The following MLLT10 variants were observed in gnomAD, a reference collection of about 807,000 sequenced individuals.
The protein encoded by MLLT10 is protein AF-10.
Under a neutral mutation model 129.1 loss-of-function variants are expected in MLLT10, and 30 were observed. That is an observed-to-expected ratio of 0.23 (90% CI 0.17 to 0.32). The LOEUF is 0.32. MLLT10 is among the 10% of genes least tolerant of loss of function. The pLI, the probability that MLLT10 is intolerant of heterozygous loss-of-function variation, is 1.00. For synonymous variants in MLLT10, 490 were observed against 446.4 expected, an observed-to-expected ratio of 1.10 and a Z score of -1.23; for missense variants, 1,119 against 1,268.3, an observed-to-expected ratio of 0.88 and a Z score of 1.79.
Position 21,673,827 on chromosome 10 carries a change from G to A in MLLT10, c.1529G>A (p.Ser510Asn). 6.2e-7 allele frequency: 1 copy of A among 1,614,156 alleles called. No homozygotes were observed. Among genetic ancestry groups the A allele is most frequent in the South Asian group, 1.1e-5 (1 of 91,080 alleles). The change falls in exon 11 of 23, where the codon AGC becomes AAC. Residue 510 changes from serine (S) to asparagine (N), a missense_variant. Physicochemically the swap from Ser to Asn is conservative, Grantham distance 46. Transcript: ENST00000307729. ...TCATCTGTAGCATCAGCTGCAGGAA[G>A]CATAACAAGCTCTAGTCTGCAGAAA... Reference protein sequence around the residue: ...PTSSVASAAGSITSSSLQKSP... With the variant: ...PTSSVASAAGNITSSSLQKSP...
Position 21,560,326 on chromosome 10 carries a change from A to G in MLLT10, c.240+21414A>G, listed in dbSNP as rs546599695. 5.9e-5 allele frequency among the ~76,000 whole-genome samples: 9 copies of G among 152,270 alleles called. 1 individual carries two copies. The South Asian group carries it at 8.3e-4, about 14-fold the overall frequency. ...TTTGGCCTTTTGAGGAACTGCCAAAATGTTTTTCACAGAGACTTCAGCTTT... is the reference window on the plus strand; with the variant it reads ...TTTGGCCTTTTGAGGAACTGCCAAAGTGTTTTTCACAGAGACTTCAGCTTT... On this transcript the variant is annotated intron_variant, in intron 3 of 22. Transcript: ENST00000307729.
chr10:21,659,603 T>C (rs1307467381), intron 9 of MLLT10, among the ~76,000 whole-genome samples: 1 of 149,348 alleles, frequency 6.7e-6, no homozygotes, highest in Non-Finnish European at 1.5e-5. Flanking sequence ...CTTTGCCTCC[T>C]GGGTTCAAGG....
chr10:21,675,679 A>G (rs1045422308), intron 11 of MLLT10, among the ~76,000 whole-genome samples: 1 of 152,226 alleles, frequency 6.6e-6, no homozygotes, highest in Admixed American at 6.5e-5. Flanking sequence ...CTTCATTTTT[A>G]GCAAGAGGCG....
chr10:21,663,868 G>A (rs1443013805), intron 9 of MLLT10, among the ~76,000 whole-genome samples: 3 of 152,040 alleles, frequency 2.0e-5, no homozygotes, highest in African/African-American at 4.8e-5. Flanking sequence ...TTTTTGTTTA[G>A]CAGTTTGCCC....
chr10:21,627,445 A>G (rs1005097555), intron 8 of MLLT10, among the ~76,000 whole-genome samples: 4 of 152,084 alleles, frequency 2.6e-5, no homozygotes, highest in African/African-American at 7.2e-5. Flanking sequence ...AGGGGGAAAC[A>G]TTTTTCTCTT....
chr10:21,701,980 G>A (rs1474655608), intron 13 of MLLT10, among the ~76,000 whole-genome samples: 2 of 151,706 alleles, frequency 1.3e-5, no homozygotes, highest in Admixed American at 1.3e-4. Flanking sequence ...AGGTTGTAGT[G>A]CAGTGGCTTG....
chr10:21,543,680 T>G (rs918307165), intron 3 of MLLT10, among the ~76,000 whole-genome samples: 3 of 152,096 alleles, frequency 2.0e-5, no homozygotes, highest in Non-Finnish European at 4.4e-5. Flanking sequence ...GGTTTCTTCA[T>G]GTTGGTCAGA....
At chr10:21,543,981 C>T (rs2035662421) in intron 3 of MLLT10, among the ~76,000 whole-genome samples, 1 of 152,200 alleles carries the variant, frequency 6.6e-6, no homozygotes, top group Non-Finnish European at 1.5e-5. Flanking sequence ...TGCCGACTTA[C>T]TGTGCTACTT....
chr10:21,640,972 T>G (rs535536194), intron 8 of MLLT10, among the ~76,000 whole-genome samples: 2 of 152,318 alleles, frequency 1.3e-5, no homozygotes, highest in East Asian at 3.9e-4. Flanking sequence ...GCTTTAATGC[T>G]TATTTTTGTT....
chr10:21,696,157 C>CT (rs1272214577), intron 13 of MLLT10, among the ~76,000 whole-genome samples: 4 of 151,338 alleles, frequency 2.6e-5, no homozygotes, highest in Non-Finnish European at 5.9e-5. Flanking sequence ...CCTGTTTGGC[C>CT]TTTAAGTTTT....
chr10:21,680,984 T>A (rs2052682219), intron 11 of MLLT10, among the ~76,000 whole-genome samples: 2 of 152,128 alleles, frequency 1.3e-5, no homozygotes, highest in Admixed American at 1.3e-4. Context: ...TAAAGCACAT[T>A]AATGTATCAT....
chr10:21,543,047 C>A (rs533299674), intron 3 of MLLT10, among the ~76,000 whole-genome samples: 1 of 152,154 alleles, frequency 6.6e-6, no homozygotes, highest in East Asian at 1.9e-4. Flanking sequence ...CAGCATCCGC[C>A]TCCCGGGTTC....
intron 3 of MLLT10, among the ~76,000 whole-genome samples, chr10:21,581,956 A>G (rs527515435): frequency 7.9e-5 from 12 of 152,318 alleles, no homozygotes; most frequent in African/African-American, 2.9e-4. Context: ...CTGTCATGTT[A>G]CTATGGCTAT....
At chr10:21,589,226 C>T (rs555841170) in intron 4 of MLLT10, among the ~76,000 whole-genome samples, 21 of 151,696 alleles carry the variant, frequency 1.4e-4, no homozygotes, top group Non-Finnish European at 2.6e-4. Context: ...TTTTTTTTAC[C>T]GTGCATGAGT....
intron 4 of MLLT10, among the ~76,000 whole-genome samples, chr10:21,594,684 A>T (rs989537314): frequency 6.6e-6 from 1 of 151,626 alleles, no homozygotes; most frequent in Non-Finnish European, 1.5e-5. Context: ...GTTTTAGCCC[A>T]GAAACTCCTC....
At chr10:21,631,746 C>T (rs767423866) in intron 8 of MLLT10, among the ~76,000 whole-genome samples, 41 of 152,090 alleles carry the variant, frequency 2.7e-4, no homozygotes, top group Non-Finnish European at 4.4e-4. Flanking sequence ...AGGAGAACAG[C>T]AAGGGGGAAG....
chr10:21,739,323 C>T (rs929985765), intron 21 of MLLT10, among the ~76,000 whole-genome samples: 1 of 152,196 alleles, frequency 6.6e-6, no homozygotes. Flanking sequence ...TGGAAATCCT[C>T]ACCTGCCCCC....
chr10:21,686,957 T>G (rs1206166378), intron 13 of MLLT10, among the ~76,000 whole-genome samples: 2 of 152,126 alleles, frequency 1.3e-5, no homozygotes, highest in African/African-American at 4.8e-5. Flanking sequence ...CATTCCAGCC[T>G]AGGTGACAGA....
intron 22 of MLLT10, among the ~76,000 whole-genome samples, chr10:21,741,007 T>G (rs1206997770): frequency 6.6e-6 from 1 of 152,204 alleles, no homozygotes; most frequent in African/African-American, 2.4e-5. Flanking sequence ...ACTTGGCAAA[T>G]GAGTGTTCAA....
Sources: gnomAD v4.1 joint callset for allele counts (sites outside exome capture counted in the v4.1 genomes callset) on GRCh38, gnomAD v4.1.1 for gene constraint, MANE v1.5 for transcripts, NCBI Gene and HGNC (gene_info 2026-07-23, HGNC 2026-07-21) for gene names.